The following PHYHIPL variants were observed in gnomAD, a reference collection of about 807,000 sequenced individuals.
The protein encoded by PHYHIPL is phytanoyl-CoA 2-hydroxylase interacting protein like.
A neutral mutation model predicts 33.4 loss-of-function variants in PHYHIPL; 9 were observed. That is an observed-to-expected ratio of 0.27 (90% CI 0.16 to 0.47). The LOEUF (loss-of-function observed/expected upper bound fraction) is 0.47, where lower values mean the gene tolerates loss of function less well. Among genes scored for constraint, PHYHIPL ranks in the 20% least tolerant of loss-of-function variants. The pLI, the probability that PHYHIPL is intolerant of heterozygous loss-of-function variation, is 0.99. For synonymous variants in PHYHIPL, 153 were observed against 154.1 expected, an observed-to-expected ratio of 0.99 and a Z score of 0.05; for missense variants, 365 against 460.7, an observed-to-expected ratio of 0.79 and a Z score of 1.90.
At chr10:59,194,757 T>C (rs1838865429) in intron 1 of PHYHIPL, among the ~76,000 whole-genome samples, 1 of 152,224 alleles carries the variant, frequency 6.6e-6, no homozygotes, top group African/African-American at 2.4e-5. Flanking sequence ...CTGAAATTTT[T>C]ATGAGAGGAA....
chr10:59,226,000 C>T (rs1220242855), intron 1 of PHYHIPL, among the ~76,000 whole-genome samples: 1 of 151,904 alleles, frequency 6.6e-6, no homozygotes, highest in Non-Finnish European at 1.5e-5. Flanking sequence ...AGAAAAATGA[C>T]AATTCTGTGT....
chr10:59,242,267 C>T (rs536539528), intron 4 of PHYHIPL, among the ~76,000 whole-genome samples: 1 of 152,226 alleles, frequency 6.6e-6, no homozygotes, highest in East Asian at 1.9e-4. Flanking sequence ...AGTATGTTAG[C>T]ACAGGCTTAG....
At chr10:59,177,347 C>G (rs1430720699) in intron 1 of PHYHIPL, 5 of 897,536 alleles carry the variant, frequency 5.6e-6, no homozygotes, top group Non-Finnish European at 8.1e-6. Context: ...TTCTAGCAAC[C>G]CCCTTCCCCC....
At chr10:59,177,489 A>G in intron 1 of PHYHIPL, 1 of 1,548,808 alleles carries the variant, frequency 6.5e-7, no homozygotes, top group Non-Finnish European at 8.7e-7. Flanking sequence ...ACAGTTTTTC[A>G]GTGAGGGCGC....
intron 1 of PHYHIPL, among the ~76,000 whole-genome samples, chr10:59,187,886 A>G (rs1378201237): frequency 1.3e-5 from 2 of 151,960 alleles, no homozygotes; most frequent in South Asian, 2.1e-4. Flanking sequence ...CTAGCGGTCT[A>G]TCCATTTTGT....
intron 4 of PHYHIPL, among the ~76,000 whole-genome samples, chr10:59,241,976 CAAT>C (rs1285832238): frequency 1.3e-5 from 2 of 152,122 alleles, no homozygotes; most frequent in Admixed American, 1.3e-4. Flanking sequence ...ACCTTTTAGA[CAAT>C]AACCACCATA....
intron 1 of PHYHIPL, among the ~76,000 whole-genome samples, chr10:59,211,775 T>G (rs1839454862): frequency 6.6e-6 from 1 of 152,000 alleles, no homozygotes; most frequent in Admixed American, 6.6e-5. Context: ...ACTGAAGTAC[T>G]TTTTAGGTCA....
chr10:59,231,338 G>A (rs148818933), intron 1 of PHYHIPL, among the ~76,000 whole-genome samples: 101 of 152,078 alleles, frequency 6.6e-4, no homozygotes, highest in African/African-American at 2.3e-3. Context: ...CCAACTGTTT[G>A]CTCTATAAAA....
chr10:59,207,741 A>G (rs1839326547), intron 1 of PHYHIPL, among the ~76,000 whole-genome samples: 1 of 152,084 alleles, frequency 6.6e-6, no homozygotes, highest in African/African-American at 2.4e-5. Flanking sequence ...AATACAAAAA[A>G]TTAGCTGGGC....
In PHYHIPL at chr10:59,176,892, C is replaced by G; in HGVS notation, c.39C>G (p.Pro13=). 6.2e-7 allele frequency: 1 copy of G among 1,613,748 alleles called. No individual in the cohort carries two copies. Among genetic ancestry groups the G allele is most frequent in the South Asian group, 1.1e-5 (1 of 91,018 alleles). Residue 13 remains proline (P), a synonymous_variant, in exon 1 of 5, where the codon CCC becomes CCG. Coordinates refer to ENST00000373880, the MANE Select transcript of PHYHIPL (RefSeq NM_032439.4). ...GCCTGGATCATGCCCTCAACAGCCC[C>G]ACCAGCCCCTGTGAGGAGGTGATCA... is the stretch of plus-strand genomic sequence containing the variant. ...VPRLDHALNS[P]TSPCEEVIKN...
upstream of PHYHIPL, chr10:59,176,604 G>C (rs1410018662): frequency 9.5e-5 from 31 of 326,404 alleles, no homozygotes; most frequent in Non-Finnish European, 1.5e-4. Context: ...CCGGGAGCGC[G>C]CGCCTCCCAT....
chr10:59,209,500 C>G (rs1198307672), intron 1 of PHYHIPL, among the ~76,000 whole-genome samples: 7 of 152,144 alleles, frequency 4.6e-5, no homozygotes, highest in Non-Finnish European at 4.4e-5. Context: ...ACCATCGATG[C>G]TATGAAGAAA....
At chr10:59,185,810 T>C (rs1418734701) in intron 1 of PHYHIPL, among the ~76,000 whole-genome samples, 1 of 151,988 alleles carries the variant, frequency 6.6e-6, no homozygotes, top group East Asian at 1.9e-4. Context: ...TTTGATGGGG[T>C]TGTTTGTTTT....
chr10:59,246,505 C>G lies in PHYHIPL; in HGVS notation c.*914C>G, dbSNP rs1305359696. The G allele has an allele frequency of 5.1e-6, 2 of 389,764 alleles. No homozygotes were observed. The allele number at this position is 389,764 out of a possible 1,614,324, so 24.1% of individuals were successfully genotyped here. A position where few individuals can be genotyped will look rare whatever the true frequency, so the allele number is the denominator to read the frequency against. On this transcript the variant is annotated 3_prime_UTR_variant, in exon 5 of 5. Transcript: ENST00000373880. The stretch of plus-strand genomic sequence containing the variant: ...ACATTACAGAAAATAGAAATACAAA[C>G]AAGGTTGGTACATGAGAGAAAATGT...
intron 4 of PHYHIPL, among the ~76,000 whole-genome samples, chr10:59,239,928 CTTTGTA>C (rs1840340916): frequency 6.6e-6 from 1 of 151,960 alleles, no homozygotes; most frequent in Admixed American, 6.6e-5. Flanking sequence ...TTGTTGTGTT[CTTTGTA>C]TTTGTTTGTT....
chr10:59,208,595 A>G (rs1378291582), intron 1 of PHYHIPL, among the ~76,000 whole-genome samples: 1 of 152,130 alleles, frequency 6.6e-6, no homozygotes, highest in Non-Finnish European at 1.5e-5. Context: ...TGACAGAAGT[A>G]GGCTTCAGAA....
At chr10:59,175,013 C>CT (rs3214747), upstream of PHYHIPL, among the ~76,000 whole-genome samples, 23 of 151,998 alleles carry the variant, frequency 1.5e-4, no homozygotes, top group Middle Eastern at 3.4e-3. Context: ...TACACAGTTC[C>CT]TTTTTTTTGA....
intron 2 of PHYHIPL, 86 bp downstream of exon 2, chr10:59,234,586 T>C (rs773798194): frequency 1.5e-5 from 14 of 916,660 alleles, no homozygotes; most frequent in Non-Finnish European, 2.2e-5. Flanking sequence ...TAATATTCTA[T>C]TAATGGCTTA....
At chr10:59,188,906 C>G (rs1411393079) in intron 1 of PHYHIPL, among the ~76,000 whole-genome samples, 2 of 151,808 alleles carry the variant, frequency 1.3e-5, no homozygotes, top group South Asian at 2.1e-4. Context: ...CTGACAGGCC[C>G]TAGTTTTAAC....
Sources: allele counts gnomAD v4.1 joint callset (sites outside exome capture counted in the v4.1 genomes callset), GRCh38; gene constraint gnomAD v4.1.1; transcripts MANE v1.5; gene names NCBI Gene and HGNC (gene_info 2026-07-23, HGNC 2026-07-21).